The following DPYD variants were observed in gnomAD, a reference collection of about 807,000 sequenced individuals.
DPYD encodes dihydropyrimidine dehydrogenase.
Under a neutral mutation model 116.2 loss-of-function variants are expected in DPYD, and 109 were observed. That is an observed-to-expected ratio of 0.94 (90% CI 0.80 to 1.10). DPYD has a LOEUF of 1.10. Ranked by LOEUF, DPYD falls within the 50% of genes least tolerant of loss-of-function variation. DPYD has a pLI of 0.00. For missense variants in DPYD, 1,302 were observed against 1,254.5 expected, an observed-to-expected ratio of 1.04 and a Z score of -0.57; for synonymous variants, 440 against 432.0, an observed-to-expected ratio of 1.02 and a Z score of -0.23.
chr1:97,702,132 A>C lies in DPYD; in HGVS notation c.484-2585T>G, dbSNP rs115051546. ...TCTAAGCAATGTGAACAAGGAACTA[A>C]ATTCTGGTAGTTTTATATGATCATT... On this transcript the variant is annotated intron_variant, in intron 5 of 22. Coordinates refer to ENST00000370192, the MANE Select transcript of DPYD (RefSeq NM_000110.4). Among the ~76,000 whole-genome samples the C allele has an allele frequency of 8.7e-3, 1,322 of 151,752 alleles. 15 individuals are homozygous for C. The highest frequency in any genetic ancestry group is 0.013 in the Non-Finnish European group (876 of 67,706).
At chr1:97,484,327 C>CA (rs889098909) in intron 13 of DPYD, among the ~76,000 whole-genome samples, 123 of 152,034 alleles carry the variant, frequency 8.1e-4, no homozygotes, top group African/African-American at 2.7e-3. Flanking sequence ...AAAACAAAAA[C>CA]AAAAAAATTC....
At chr1:97,286,739 C>T (rs1031319255) in intron 18 of DPYD, among the ~76,000 whole-genome samples, 7 of 151,846 alleles carry the variant, frequency 4.6e-5, no homozygotes, top group Non-Finnish European at 8.8e-5. Context: ...GCATTCTTCA[C>T]GTAGTTCTCG....
At chr1:97,718,985 G>C (rs1044865601) in intron 5 of DPYD, among the ~76,000 whole-genome samples, 2 of 151,392 alleles carry the variant, frequency 1.3e-5, no homozygotes, top group African/African-American at 4.8e-5. Flanking sequence ...TGTCATGATA[G>C]GATTAAAATA....
intron 2 of DPYD, among the ~76,000 whole-genome samples, chr1:97,869,336 G>C (rs1671547607): frequency 6.6e-6 from 1 of 151,676 alleles, no homozygotes; most frequent in Non-Finnish European, 1.5e-5. Flanking sequence ...AATTTATCCA[G>C]AATTTGTGAT....
chr1:97,585,097 T>G (rs1471594499), intron 10 of DPYD, among the ~76,000 whole-genome samples: 1 of 152,078 alleles, frequency 6.6e-6, no homozygotes, highest in East Asian at 1.9e-4. Flanking sequence ...AAGTTTTCAA[T>G]GCTTTTAATA....
chr1:97,289,381 T>C (rs1043159503), intron 18 of DPYD, among the ~76,000 whole-genome samples: 8 of 151,834 alleles, frequency 5.3e-5, no homozygotes, highest in East Asian at 1.9e-4. Flanking sequence ...AGAGACACAA[T>C]CGAAAAAGAG....
intron 1 of DPYD, among the ~76,000 whole-genome samples, chr1:97,896,348 A>T (rs1673070558): frequency 6.6e-6 from 1 of 151,776 alleles, no homozygotes; most frequent in African/African-American, 2.4e-5. Context: ...TAAAGTGAAA[A>T]AGAGAAACAT....
At chr1:97,274,361 T>C (rs1309461343) in intron 18 of DPYD, among the ~76,000 whole-genome samples, 2 of 152,106 alleles carry the variant, frequency 1.3e-5, no homozygotes, top group Non-Finnish European at 2.9e-5. Context: ...GAGCCGCTTG[T>C]TTAAAAGAGC....
intron 3 of DPYD, among the ~76,000 whole-genome samples, chr1:97,770,369 T>C (rs974475958): frequency 2.0e-5 from 3 of 152,174 alleles, no homozygotes; most frequent in Admixed American, 2.0e-4. Flanking sequence ...AAATGCCCAA[T>C]GTTTTTCAAT....
chr1:97,246,658 T>C (rs1662738657), intron 18 of DPYD, among the ~76,000 whole-genome samples: 1 of 152,192 alleles, frequency 6.6e-6, no homozygotes, highest in South Asian at 2.1e-4. Flanking sequence ...CATTACATAG[T>C]GTAGGGATGT....
chr1:97,201,752 G>A (rs932933214), intron 19 of DPYD, among the ~76,000 whole-genome samples: 15 of 152,008 alleles, frequency 9.9e-5, no homozygotes, highest in East Asian at 1.9e-4. Flanking sequence ...GTAATGTAAC[G>A]GACTACGTGA....
intron 2 of DPYD, among the ~76,000 whole-genome samples, chr1:97,868,892 T>C (rs116317946): frequency 0.015 from 2,245 of 151,950 alleles, 23 homozygotes; most frequent in Middle Eastern, 0.02. Context: ...ATCTCAAACA[T>C]GATTTACATA....
At chr1:97,477,220 A>G (rs1384191010) in intron 13 of DPYD, among the ~76,000 whole-genome samples, 1 of 152,210 alleles carries the variant, frequency 6.6e-6, no homozygotes, top group African/African-American at 2.4e-5. Flanking sequence ...TGGAGTCAAC[A>G]TTTCAACAAT....
chr1:97,134,012 AAAATATATATATAT>A (rs1173963983), intron 20 of DPYD, among the ~76,000 whole-genome samples: 46 of 48,726 alleles, frequency 9.4e-4, no homozygotes, highest in Admixed American at 8.3e-3. Flanking sequence ...AAAAAAAAAA[AAAATATATATATAT>A]ATATATATAT....
At chr1:97,326,305 A>G (rs938421935) in intron 16 of DPYD, among the ~76,000 whole-genome samples, 1 of 151,940 alleles carries the variant, frequency 6.6e-6, no homozygotes, top group Non-Finnish European at 1.5e-5. Flanking sequence ...TTTCAGATAC[A>G]TTGAGTTTGA....
intron 3 of DPYD, among the ~76,000 whole-genome samples, chr1:97,773,614 C>A (rs1198499551): frequency 6.6e-6 from 1 of 152,132 alleles, no homozygotes; most frequent in African/African-American, 2.4e-5. Context: ...GAGTGGAACA[C>A]ACCAGCAGAA....
In DPYD at chr1:97,193,238, G is replaced by T. The variant is rs751399062; in HGVS notation, c.2453C>A (p.Ala818Asp). ...CACAGTGAAATCCTGATTCTGAATG[G>T]CACTGCATACCTAGAAAAGACAGAG... Reference protein sequence around the residue: ...SGASVLQVCSAIQNQDFTVIE... With the variant: ...SGASVLQVCSDIQNQDFTVIE... The change falls in exon 20 of 23, where the codon GCC (alanine) becomes GAC (aspartate). Residue 818 changes from alanine (A) to aspartate (D), a missense_variant. Physicochemically the swap from Ala to Asp is moderately radical, Grantham distance 126. Coordinates refer to ENST00000370192, the MANE Select transcript of DPYD (RefSeq NM_000110.4). 2.5e-6 allele frequency: 4 copies of T among 1,613,314 alleles called. No homozygotes were observed. Among genetic ancestry groups the T allele is most frequent in the Non-Finnish European group, 3.4e-6 (4 of 1,179,740 alleles).
At chr1:97,570,126 C>T (rs1315020209) in intron 11 of DPYD, among the ~76,000 whole-genome samples, 2 of 151,898 alleles carry the variant, frequency 1.3e-5, no homozygotes, top group African/African-American at 4.8e-5. Flanking sequence ...TTACATTCTC[C>T]ATTGTGAAAC....
At chr1:97,596,957 G>A (rs542082642) in intron 8 of DPYD, among the ~76,000 whole-genome samples, 1 of 152,126 alleles carries the variant, frequency 6.6e-6, no homozygotes, top group Non-Finnish European at 1.5e-5. Context: ...AAAGGAAATG[G>A]GGATAAGACT....
Sources: allele counts gnomAD v4.1 joint callset (sites outside exome capture counted in the v4.1 genomes callset), GRCh38; gene constraint gnomAD v4.1.1; transcripts MANE v1.5; gene names NCBI Gene and HGNC (gene_info 2026-07-23, HGNC 2026-07-21).